Variants in MAMLD1 observed in about 807,000 individuals in gnomAD.
MAMLD1 encodes mastermind-like domain-containing protein 1.
A neutral mutation model predicts 45.0 loss-of-function variants in MAMLD1; 14 were observed. The ratio of observed to expected loss-of-function variants is 0.31; its 90% CI spans 0.21 to 0.49. MAMLD1 has a LOEUF of 0.49. MAMLD1 is among the 20% of genes least tolerant of loss of function. The probability of loss-of-function intolerance (pLI) is 0.99; values close to 1 mark genes in which losing one functional copy is unlikely to be tolerated. For synonymous variants in MAMLD1, 254 were observed against 247.8 expected (o/e 1.02, Z -0.24); for missense variants, 543 against 603.6 (o/e 0.90, Z 1.05).
chrX:150,501,649 A>G (rs2037557117), intron 5 of MAMLD1, among the ~76,000 whole-genome samples: 1 of 112,572 alleles, frequency 8.9e-6, no homozygotes, highest in Non-Finnish European at 1.9e-5. Flanking sequence ...GAGGGTGGGC[A>G]TGAGTCATCT....
At chrX:150,432,085 G>GC (rs2034972154) in intron 1 of MAMLD1, among the ~76,000 whole-genome samples, 1 of 87,260 alleles carries the variant, frequency 1.1e-5, no homozygotes, top group African/African-American at 4.5e-5. Context: ...CACAACCTCT[G>GC]TTTTTTTTTT....
At position 150,462,844 on chromosome X, in the gene MAMLD1, C is replaced by T; in HGVS notation, c.169C>T (p.Gln57Ter). Residue 57 changes from glutamine (Q) to a stop codon, truncating the protein, a stop_gained and splice_region_variant, in exon 3 of 8, where the codon CAG (glutamine) becomes TAG (stop). Transcript: ENST00000370401. LOFTEE classifies it high-confidence loss of function. ...CAAGAGCAGCCCAGGAAGAAAGCAT[C>T]AGGTAAGCATAAGCTTACCAAAGCT... ...LYKSSPGRKH[Q>*]GTVKRRQEED... is the part of the protein sequence containing the mutation. 3.3e-6 allele frequency: 4 copies of T among 1,202,767 alleles called. No homozygotes were observed. Among genetic ancestry groups the T allele is most frequent in the Non-Finnish European group, 4.5e-6 (4 of 887,530 alleles).
intron 3 of MAMLD1, 84 bp from the exon 4 acceptor site, chrX:150,469,661 G>A (rs956149460): frequency 6.6e-6 from 4 of 605,829 alleles, no homozygotes; most frequent in East Asian, 3.3e-5. Context: ...CTCTCTGTGT[G>A]TGTGTGTGTG....
rs1233127131 is a variant in MAMLD1, at chrX:150,445,968, C to T, written c.96+356C>T. ...AGAATGGCAAGCACTAGATATATTG[C>T]ATGAGCTTCCTAGTATGACTGAGAA... On this transcript the variant is annotated intron_variant, in intron 2 of 7. Coordinates refer to ENST00000370401, the MANE Select transcript of MAMLD1 (RefSeq NM_005491.5). 3.6e-5 allele frequency among the ~76,000 whole-genome samples: 4 copies of T among 111,844 alleles called. No individual in the cohort carries two copies. The East Asian group carries it at 8.5e-4, about 24-fold the overall frequency.
At chrX:150,467,926 G>C (rs1557406069) in intron 3 of MAMLD1, among the ~76,000 whole-genome samples, 1 of 112,305 alleles carries the variant, frequency 8.9e-6, no homozygotes, top group African/African-American at 3.2e-5. Context: ...AATGTGCCCC[G>C]TTTCACTTAA....
intron 1 of MAMLD1, among the ~76,000 whole-genome samples, chrX:150,375,007 G>T (rs1005538731): frequency 9.0e-6 from 1 of 110,757 alleles, no homozygotes; most frequent in Non-Finnish European, 1.9e-5. Flanking sequence ...CTTTTGGAGA[G>T]GAGCCTCAGG....
At chrX:150,379,326 T>G (rs2032485579) in intron 1 of MAMLD1, among the ~76,000 whole-genome samples, 1 of 112,080 alleles carries the variant, frequency 8.9e-6, no homozygotes, top group Non-Finnish European at 1.9e-5. Context: ...TCAGAGTTGC[T>G]AACCCATGAC....
At chrX:150,454,231 C>T (rs2035766822) in intron 2 of MAMLD1, among the ~76,000 whole-genome samples, 1 of 112,348 alleles carries the variant, frequency 8.9e-6, no homozygotes, top group Admixed American at 9.4e-5. Flanking sequence ...CTCTTTTCCT[C>T]CCTCAAGTCA....
At chrX:150,454,121 C>G (rs1280205265) in intron 2 of MAMLD1, among the ~76,000 whole-genome samples, 2 of 112,071 alleles carry the variant, frequency 1.8e-5, no homozygotes, top group Non-Finnish European at 3.8e-5. Flanking sequence ...CAGTGCCACT[C>G]TGTAGGTGCT....
intron 2 of MAMLD1, among the ~76,000 whole-genome samples, chrX:150,450,005 A>G (rs1190401209): frequency 9.0e-6 from 1 of 111,488 alleles, no homozygotes; most frequent in African/African-American, 3.3e-5. Context: ...CACAGGCAGG[A>G]AGTTGTAGAT....
intron 5 of MAMLD1, among the ~76,000 whole-genome samples, chrX:150,481,708 C>A (rs1228804812): frequency 9.3e-6 from 1 of 107,963 alleles, no homozygotes; most frequent in Non-Finnish European, 1.9e-5. Flanking sequence ...GCGTTGCCTG[C>A]AGTTTCAGCT....
At position 150,501,846 on chromosome X, in the gene MAMLD1, A is replaced by C. The variant is rs1382062126; in HGVS notation, c.2041-1428A>C. Among the ~76,000 whole-genome samples the C allele has an allele frequency of 2.7e-5, 3 of 112,295 alleles. No homozygotes were observed. The East Asian group carries it at 8.3e-4, about 31-fold the overall frequency. ...TATCATATAACATGCTAATGACTAAACACATGCACACCTCCACACCAATGC... is the reference window on the plus strand; with the variant it reads ...TATCATATAACATGCTAATGACTAACCACATGCACACCTCCACACCAATGC... On this transcript the variant is annotated intron_variant, in intron 5 of 7. Transcript: ENST00000370401.
At chrX:150,428,759 A>G (rs2034806949) in intron 1 of MAMLD1, among the ~76,000 whole-genome samples, 1 of 111,586 alleles carries the variant, frequency 9.0e-6, no homozygotes, top group Non-Finnish European at 1.9e-5. Context: ...ATCCCTCTCC[A>G]GTGTCCCCTC....
At position 150,512,497 on chromosome X, in the gene MAMLD1, G is replaced by A. The variant is rs1557409217; in HGVS notation, c.*538G>A. ...GCCAAGTGGATAATAGCGTTCAGCA[G>A]CACTCACCTTCTGGCCAGGCCTGCC... On this transcript the variant is annotated 3_prime_UTR_variant, in exon 8 of 8. Transcript: ENST00000370401. 9.5e-6 allele frequency: 11 copies of A among 1,156,228 alleles called. No individual in the cohort carries two copies. Among genetic ancestry groups the A allele is most frequent in the Non-Finnish European group, 1.3e-5 (11 of 872,899 alleles).
chrX:150,474,337 T>C (rs1300673819), intron 5 of MAMLD1, among the ~76,000 whole-genome samples: 1 of 112,855 alleles, frequency 8.9e-6, no homozygotes, highest in Non-Finnish European at 1.9e-5. Flanking sequence ...TGTAGCCTTC[T>C]GTTTCCACTG....
intron 1 of MAMLD1, among the ~76,000 whole-genome samples, chrX:150,404,053 A>G (rs782149649): frequency 2.9e-5 from 3 of 103,928 alleles, no homozygotes; most frequent in Non-Finnish European, 4.0e-5. Flanking sequence ...AAGGAAGGAA[A>G]GGAAGGAAGG....
Position 150,386,104 on chromosome X carries a change from C to CTTT in MAMLD1, c.-64+22584_-64+22586dup, listed in dbSNP as rs35146517. ...TATCTTGAAATCCTTCAACACCCATCTTTTTTTTTTTTGCCATATCCACAA... is the reference window on the plus strand; with the variant it reads ...TATCTTGAAATCCTTCAACACCCATCTTTTTTTTTTTTTTTGCCATATCCACAA... On this transcript the variant is annotated intron_variant, in intron 1 of 7. Transcript: ENST00000370401. Among the ~76,000 whole-genome samples, 524 of 102,485 alleles carry CTTT rather than the reference C, an allele frequency of 5.1e-3. 2 individuals carry two copies. The highest frequency in any genetic ancestry group is 0.018 in the African/African-American group (508 of 28,048). The allele number at this position is 102,485 out of a possible 115,157, so 89.0% of individuals were successfully genotyped here.
intron 5 of MAMLD1, among the ~76,000 whole-genome samples, chrX:150,480,928 T>C (rs2036732646): frequency 8.9e-6 from 1 of 112,529 alleles, no homozygotes; most frequent in African/African-American, 3.2e-5. Flanking sequence ...TCCGGCCAGC[T>C]TTTTCCCCTG....
At chrX:150,401,393 A>G (rs2033756366) in intron 1 of MAMLD1, among the ~76,000 whole-genome samples, 1 of 101,980 alleles carries the variant, frequency 9.8e-6, no homozygotes, top group South Asian at 5.0e-4. Context: ...AAGGAGAACT[A>G]CAAACCACTG....
Sources: allele counts gnomAD v4.1 joint callset (sites outside exome capture counted in the v4.1 genomes callset), GRCh38; gene constraint gnomAD v4.1.1; transcripts MANE v1.5; gene names NCBI Gene and HGNC (gene_info 2026-07-23, HGNC 2026-07-21).